The following HOXA4 variants were observed in gnomAD, a reference collection of about 807,000 sequenced individuals.
HOXA4 encodes homeobox protein Hox-A4.
Under a neutral mutation model 25.3 loss-of-function variants are expected in HOXA4, and 31 were observed. The observed-to-expected ratio is 1.22, with a 90% CI of 0.92 to 1.65. The LOEUF (loss-of-function observed/expected upper bound fraction) is 1.65. Ranked by LOEUF, HOXA4 falls within the 40% of genes most tolerant of loss-of-function variation. The probability of loss-of-function intolerance (pLI) is 0.00; values close to 1 mark genes in which losing one functional copy is unlikely to be tolerated. For synonymous variants in HOXA4, 225 were observed against 207.7 expected, an observed-to-expected ratio of 1.08 and a Z score of -0.72; for missense variants, 459 against 446.0, an observed-to-expected ratio of 1.03 and a Z score of -0.26.
In HOXA4 at chr7:27,130,215, G is replaced by T; in HGVS notation, c.519C>A (p.Pro173=). The part of the protein sequence containing the change: ...TPGVPAGGSA[P]ACPLLLADKS... The stretch of plus-strand genomic sequence containing the variant: ...TGTCGGCCAAGAGCAGCGGGCACGC[G>T]GGGGCGCTGCCCCCTGCCGGGACGC... The change falls in exon 1 of 2, where the codon CCC becomes CCA. Residue 173 remains proline (P), a synonymous_variant. Coordinates refer to ENST00000360046, the MANE Select transcript of HOXA4 (RefSeq NM_002141.5). 6.6e-7 allele frequency: 1 copy of T among 1,522,784 alleles called. No homozygotes were observed. Among genetic ancestry groups the T allele is most frequent in the Non-Finnish European group, 8.8e-7 (1 of 1,139,942 alleles). 94.3% of individuals were successfully genotyped at this position (1,522,784 alleles called of 1,614,324 possible).
intron 1 of HOXA4, chr7:27,129,841 C>T (rs1583395775): frequency 3.3e-6 from 2 of 607,048 alleles, no homozygotes. Context: ...GAAGCCTCTG[C>T]CAGGGCAATT....
intron 1 of HOXA4, 158 bp downstream of exon 1, chr7:27,129,960 G>A (rs1461142802): frequency 1.5e-5 from 12 of 790,572 alleles, no homozygotes; most frequent in Non-Finnish European, 2.2e-5. Flanking sequence ...CAGGCGGCTG[G>A]CTGGCGCGCA....
chr7:27,130,213 G>A lies in HOXA4; in HGVS notation c.521C>T (p.Ala174Val), dbSNP rs752197695. Residue 174 changes from alanine to valine, a missense_variant, in exon 1 of 2, where the codon GCG (alanine) becomes GTG (valine). Transcript: ENST00000360046. Reference protein sequence around the residue: ...PGVPAGGSAPACPLLLADKSP... With the variant: ...PGVPAGGSAPVCPLLLADKSP... ...CTTGTCGGCCAAGAGCAGCGGGCAC[G>A]CGGGGGCGCTGCCCCCTGCCGGGAC... The A allele has an allele frequency of 6.5e-7, 1 of 1,528,822 alleles. No homozygotes were observed. The highest frequency in any genetic ancestry group is 1.2e-5 in the South Asian group (1 of 84,180). 94.7% of individuals were successfully genotyped at this position (1,528,822 alleles called of 1,614,324 possible).
chr7:27,130,596 T>G lies in HOXA4; in HGVS notation c.138A>C (p.Pro46=), dbSNP rs2128054965. The G allele has an allele frequency of 6.5e-7, 1 of 1,529,126 alleles. No individual in the cohort carries two copies. The highest frequency in any genetic ancestry group is 1.2e-5 in the South Asian group (1 of 83,010). The allele number at this position is 1,529,126 out of a possible 1,614,324, so 94.7% of individuals were successfully genotyped here. The change falls in exon 1 of 2, where the codon CCA becomes CCC. Residue 46 remains proline (P), a synonymous_variant. Transcript: ENST00000360046. ...GCGGCAGGTGCTGGGTCGGGGGCGC[T>G]GGGGGCTGCTGGTAGCCGGGGCCCC... The part of the protein sequence containing the change: ...PGGGPGYQQP[P]APPTQHLPLQ...
At position 27,130,469 on chromosome 7, in the gene HOXA4, G is replaced by T; in HGVS notation, c.265C>A (p.Leu89Met). 8.0e-7 allele frequency: 1 copy of T among 1,254,488 alleles called. No individual in the cohort carries two copies. Among genetic ancestry groups the T allele is most frequent in the Non-Finnish European group, 1.0e-6 (1 of 1,001,522 alleles). 77.7% of individuals were successfully genotyped at this position (1,254,488 alleles called of 1,614,324 possible). A position where few individuals can be genotyped will look rare whatever the true frequency, so the allele number is the denominator to read the frequency against. Residue 89 changes from leucine (L) to methionine (M), a missense_variant, in exon 1 of 2, where the codon CTG becomes ATG. Coordinates refer to ENST00000360046, the MANE Select transcript of HOXA4 (RefSeq NM_002141.5). ...TCCGCGGCCCCATGCGCGGGGTACAGCGCGGCAGCAGGGTAGGCGGGCTCG... is the reference window on the plus strand; with the variant it reads ...TCCGCGGCCCCATGCGCGGGGTACATCGCGGCAGCAGGGTAGGCGGGCTCG... ...AREPAYPAAA[L>M]YPAHGAADTA...
Position 27,130,359 on chromosome 7 carries a change from G to A in HOXA4, c.375C>T (p.Gly125=). Residue 125 remains glycine (G), a synonymous_variant, in exon 1 of 2, where the codon GGC becomes GGT. Transcript: ENST00000360046. ...GGCTCGCATGCAGGCCGTGCGCTGG[G>A]CCCTTGGCTTGCGCCGGGGGCTGCT... The part of the protein sequence containing the change: ...QPEQPPAQAK[G]PAHGLHASHV... 8.8e-7 allele frequency: 1 copy of A among 1,135,296 alleles called. No homozygotes were observed. Among genetic ancestry groups the A allele is most frequent in the Non-Finnish European group, 1.1e-6 (1 of 926,842 alleles). 70.3% of individuals were successfully genotyped at this position (1,135,296 alleles called of 1,614,324 possible). A position where few individuals can be genotyped will look rare whatever the true frequency, so the allele number is the denominator to read the frequency against.
chr7:27,129,307 G>A lies in HOXA4; in HGVS notation c.881C>T (p.Pro294Leu). ...SNSASASAGP[P>L]GKAQTQSPHL... The stretch of plus-strand genomic sequence containing the variant: ...TGGGCTCTGAGTTTGTGCTTTCCCT[G>A]GTGGGCCGGCAGAGGCCGAGGCCGA... Residue 294 changes from proline (P) to leucine (L), a missense_variant, in exon 2 of 2, where the codon CCA becomes CTA. By Grantham distance (98) the Pro-to-Leu change is moderately conservative. Transcript: ENST00000360046. The A allele has an allele frequency of 6.2e-7, 1 of 1,614,162 alleles. No individual in the cohort carries two copies. Among genetic ancestry groups the A allele is most frequent in the South Asian group, 1.1e-5 (1 of 91,086 alleles).
Position 27,129,435 on chromosome 7 carries a change from C to CGTGT in HOXA4, c.749_752dup (p.Leu252HisfsTer6). The stretch of plus-strand genomic sequence containing the variant: ...TGACCTGGCGCTCAGACAAACAGAG[C>CGTGT]GTGTGGGCGATCTCGATGCGGCGCC... On this transcript the variant is annotated frameshift_variant, in exon 2 of 2. Transcript: ENST00000360046. LOFTEE classifies it high-confidence loss of function. The CGTGT allele has an allele frequency of 6.2e-7, 1 of 1,614,112 alleles. No individual in the cohort carries two copies. The highest frequency in any genetic ancestry group is 8.5e-7 in the Non-Finnish European group (1 of 1,180,028).
chr7:27,130,052 C>T, intron 1 of HOXA4, 66 bp downstream of exon 1: 1 of 1,507,460 alleles, frequency 6.6e-7, no homozygotes, highest in Non-Finnish European at 8.9e-7. Context: ...TCCCTCCTGA[C>T]CCCGACCCTC....
Position 27,130,079 on chromosome 7 carries a change from C to G in HOXA4, c.616+39G>C, listed in dbSNP as rs563712719. The G allele has an allele frequency of 3.9e-6, 6 of 1,556,760 alleles. No individual in the cohort carries two copies. The African/African-American group carries it at 8.2e-5, about 21-fold the overall frequency. ...CCGACCCTCGAACCCAGGCCCAGCCCCGGCCCACCTCCCGCGCCTCCCAAG... is the reference window on the plus strand; with the variant it reads ...CCGACCCTCGAACCCAGGCCCAGCCGCGGCCCACCTCCCGCGCCTCCCAAG... On this transcript the variant is annotated intron_variant, in intron 1 of 1. Transcript: ENST00000360046.
rs1259827612 is a variant in HOXA4, at chr7:27,130,479, AG to A, written c.254del (p.Pro85LeufsTer103). On this transcript the variant is annotated frameshift_variant, in exon 1 of 2. Transcript: ENST00000360046. LOFTEE classifies it high-confidence loss of function. ...CATGCGCGGGGTACAGCGCGGCAGCAGGGTAGGCGGGCTCGCGGGCGGTCCG... is the reference window on the plus strand; with the variant it reads ...CATGCGCGGGGTACAGCGCGGCAGCAGGTAGGCGGGCTCGCGGGCGGTCCG... Reference protein sequence around the residue: ...APRTAREPAYPAAALYPAHGA... With the variant: ...APRTAREPAYXAAALYPAHGA... 19 of 1,260,608 alleles carry A rather than the reference AG, an allele frequency of 1.5e-5. No homozygotes were observed. The highest frequency in any genetic ancestry group is 1.8e-5 in the Non-Finnish European group (18 of 1,004,524). The allele number at this position is 1,260,608 out of a possible 1,614,324, so 78.1% of individuals were successfully genotyped here.
Position 27,129,599 on chromosome 7 carries a change from G to A in HOXA4, c.617-28C>T, listed in dbSNP as rs181341224. 330 of 1,607,222 alleles carry A rather than the reference G, an allele frequency of 2.1e-4. No individual in the cohort carries two copies. In the African/African-American group the frequency reaches 4.1e-3, roughly 20 times the overall value. ...GAAAACCCAGAACCCCGAAATAGAA[G>A]GCCAAGGAGGAGGGAGCGGAAGAGA... On this transcript the variant is annotated intron_variant, in intron 1 of 1. Coordinates refer to ENST00000360046, the MANE Select transcript of HOXA4 (RefSeq NM_002141.5).
In HOXA4 at chr7:27,130,672, T is replaced by A. The variant is rs1175391181; in HGVS notation, c.62A>T (p.Glu21Val). 1.2e-6 allele frequency: 2 copies of A among 1,607,584 alleles called. No individual in the cohort carries two copies. Among genetic ancestry groups the A allele is most frequent in the Admixed American group, 3.4e-5 (2 of 59,646 alleles). The change falls in exon 1 of 2, where the codon GAG becomes GTG. Residue 21 changes from glutamate to valine, a missense_variant. Transcript: ENST00000360046. Reference sequence around the variant, plus strand: ...CGAGCCGCTGTGCTGCGCGTACTCCTCGAAGGGAGGGAACTTGGGCTCGAT... The same window carrying A: ...CGAGCCGCTGTGCTGCGCGTACTCCACGAAGGGAGGGAACTTGGGCTCGAT... ...NYIEPKFPPF[E>V]EYAQHSGSGG...
Sources: allele counts gnomAD v4.1 joint callset, GRCh38; gene constraint gnomAD v4.1.1; transcripts MANE v1.5; gene names NCBI Gene and HGNC (gene_info 2026-07-23, HGNC 2026-07-21).